ENDOG: variants seen among roughly 807,000 people sequenced by gnomAD.
ENDOG encodes endonuclease G, also known as endonuclease G, mitochondrial.
Under a neutral mutation model 22.6 loss-of-function variants are expected in ENDOG, and 22 were observed. The ratio of observed to expected loss-of-function variants is 0.97; its 90% confidence interval spans 0.70 to 1.39. The LOEUF (loss-of-function observed/expected upper bound fraction) is 1.39. ENDOG is among the 40% of genes most tolerant of loss of function. The probability of loss-of-function intolerance (pLI) is 0.00; values close to 1 mark genes in which losing one functional copy is unlikely to be tolerated. For missense variants in ENDOG, 403 were observed against 431.3 expected, an observed-to-expected ratio of 0.93 and a Z score of 0.58; for synonymous variants, 173 against 200.2, an observed-to-expected ratio of 0.86 and a Z score of 1.15.
In ENDOG at chr9:128,819,030, C is replaced by G; in HGVS notation, c.346C>G (p.Arg116Gly). The G allele has an allele frequency of 6.7e-7, 1 of 1,495,468 alleles. No homozygotes were observed. The allele number at this position is 1,495,468 out of a possible 1,614,324, so 92.6% of individuals were successfully genotyped here. ...GDGDRRECDF[R>G]EDDSVHAYHR... ...CGGCGACCGGCGCGAGTGCGACTTC[C>G]GCGAGGACGACTCGGTGCACGCGTA... is the stretch of plus-strand genomic sequence containing the variant. The change falls in exon 1 of 3, where the codon CGC (arginine) becomes GGC (glycine). Residue 116 changes from arginine to glycine, a missense_variant. Transcript: ENST00000372642.
Position 128,819,063 on chromosome 9 carries a change from GCCA to G in ENDOG, c.383_385del (p.Thr128del). ...CGACTCGGTGCACGCGTACCACCGT[GCCA>G]CCAACGCCGACTACCGCGGCAGTGG... On this transcript the variant is annotated inframe_deletion, in exon 1 of 3. Coordinates refer to ENST00000372642, the MANE Select transcript of ENDOG (RefSeq NM_004435.2). 1 of 1,516,886 alleles carries G rather than the reference GCCA, an allele frequency of 6.6e-7. No individual in the cohort carries two copies. Among genetic ancestry groups the G allele is most frequent in the Middle Eastern group, 1.8e-4 (1 of 5,462 alleles). The allele number at this position is 1,516,886 out of a possible 1,614,324, so 94.0% of individuals were successfully genotyped here.
intron 1 of ENDOG, 63 bp from the exon 2 acceptor site, chr9:128,820,676 G>A: frequency 2.8e-6 from 4 of 1,408,574 alleles, no homozygotes; most frequent in Non-Finnish European, 3.9e-6. Flanking sequence ...ACCTGGGGCG[G>A]CCCTCTGATA....
chr9:128,822,149 CA>C, intron 2 of ENDOG, 178 bp from the exon 3 acceptor site: 2 of 702,886 alleles, frequency 2.8e-6, no homozygotes, highest in South Asian at 3.8e-5. Context: ...AAGAGTTAAC[CA>C]CCCTGGAGAG....
chr9:128,821,997 C>G (rs573337429), intron 2 of ENDOG: 46 of 332,964 alleles, frequency 1.4e-4, no homozygotes, highest in South Asian at 1.3e-3. Flanking sequence ...CCACTTGTTG[C>G]TCACCTCTGT....
intron 2 of ENDOG, chr9:128,821,157 C>A: frequency 2.4e-6 from 1 of 411,496 alleles, no homozygotes; most frequent in Non-Finnish European, 4.5e-6. Context: ...ATATGGAACC[C>A]CCCGCAGGTC....
Position 128,818,645 on chromosome 9 carries a change from G to A in ENDOG, c.-40G>A, listed in dbSNP as rs142367136. The A allele has an allele frequency of 9.6e-6, 11 of 1,151,464 alleles. No individual in the cohort carries two copies. The African/African-American group carries it at 1.8e-4, about 19-fold the overall frequency. 71.3% of individuals were successfully genotyped at this position (1,151,464 alleles called of 1,614,324 possible). On this transcript the variant is annotated 5_prime_UTR_variant, in exon 1 of 3. Coordinates refer to ENST00000372642, the MANE Select transcript of ENDOG (RefSeq NM_004435.2). Reference sequence around the variant, plus strand: ...GGATCCCGCGACGCGGCTCCTTTAAGAGCCTCGCGGGTCGCCCGCCGCTAG... The same window carrying A: ...GGATCCCGCGACGCGGCTCCTTTAAAAGCCTCGCGGGTCGCCCGCCGCTAG...
At chr9:128,819,973 T>A (rs1416538797) in intron 1 of ENDOG, 1 of 152,276 alleles carries the variant, frequency 6.6e-6, no homozygotes, top group African/African-American at 2.4e-5. Flanking sequence ...AAGCTTCCCT[T>A]GCTCGCCTGC....
At position 128,818,888 on chromosome 9, in the gene ENDOG, G is replaced by A. The variant is rs1830049743; in HGVS notation, c.204G>A (p.Gly68=). 6.8e-7 allele frequency: 1 copy of A among 1,462,598 alleles called. No individual in the cohort carries two copies. The highest frequency in any genetic ancestry group is 3.0e-5 in the East Asian group (1 of 33,258). 90.6% of individuals were successfully genotyped at this position (1,462,598 alleles called of 1,614,324 possible). A position where few individuals can be genotyped will look rare whatever the true frequency, so the allele number is the denominator to read the frequency against. The change falls in exon 1 of 3, where the codon GGG becomes GGA. Residue 68 remains glycine, a synonymous_variant. Transcript: ENST00000372642. ...GCCCGGGCGAGCTGGCCAAGTACGG[G>A]CTGCCGGGGCTGGCGCAGCTCAAGA... is the stretch of plus-strand genomic sequence containing the variant. The part of the protein sequence containing the change: ...PRGPGELAKY[G]LPGLAQLKSR...
At position 128,819,067 on chromosome 9, in the gene ENDOG, C is replaced by G. The variant is rs1447555770; in HGVS notation, c.383C>G (p.Thr128Ser). Reference sequence around the variant, plus strand: ...TCGGTGCACGCGTACCACCGTGCCACCAACGCCGACTACCGCGGCAGTGGC... The same window carrying G: ...TCGGTGCACGCGTACCACCGTGCCAGCAACGCCGACTACCGCGGCAGTGGC... ...DDSVHAYHRA[T>S]NADYRGSGFD... Residue 128 changes from threonine to serine, a missense_variant, in exon 1 of 3, where the codon ACC (threonine) becomes AGC (serine). Transcript: ENST00000372642. 6.6e-7 allele frequency: 1 copy of G among 1,518,800 alleles called. No individual in the cohort carries two copies. Among genetic ancestry groups the G allele is most frequent in the East Asian group, 2.6e-5 (1 of 37,878 alleles). 94.1% of individuals were successfully genotyped at this position (1,518,800 alleles called of 1,614,324 possible). A position where few individuals can be genotyped will look rare whatever the true frequency, so the allele number is the denominator to read the frequency against.
chr9:128,819,119 C>T lies in ENDOG; in HGVS notation c.435C>T (p.Ala145=), dbSNP rs1235603097. ...SGFDRGHLAA[A]ANHRWSQKAM... ...TCGACCGCGGTCACCTGGCCGCCGC[C>T]GCCAACCACCGCTGGAGCCAGAAGG... The change falls in exon 1 of 3, where the codon GCC becomes GCT. Residue 145 remains alanine (A), a synonymous_variant. Coordinates refer to ENST00000372642, the MANE Select transcript of ENDOG (RefSeq NM_004435.2). The T allele has an allele frequency of 8.6e-6, 13 of 1,519,634 alleles. No homozygotes were observed. Among genetic ancestry groups the T allele is most frequent in the Non-Finnish European group, 1.1e-5 (12 of 1,137,042 alleles). The allele number at this position is 1,519,634 out of a possible 1,614,324, so 94.1% of individuals were successfully genotyped here.
rs774163120 is a variant in ENDOG at position 128,822,541 on chromosome 9, G to A, written c.825G>A (p.Gly275=). 6.3e-5 allele frequency: 99 copies of A among 1,559,892 alleles called. No individual in the cohort carries two copies. Among genetic ancestry groups the A allele is most frequent in the Non-Finnish European group, 2.4e-5 (28 of 1,151,572 alleles). ...VPIESIERAS[G]LLFVPNILAR... Reference sequence around the variant, plus strand: ...TCGAGAGCATTGAGCGGGCTTCGGGGCTGCTCTTTGTGCCAAACATCCTGG... The same window carrying A: ...TCGAGAGCATTGAGCGGGCTTCGGGACTGCTCTTTGTGCCAAACATCCTGG... The change falls in exon 3 of 3, where the codon GGG becomes GGA. Residue 275 remains glycine, a synonymous_variant. Coordinates refer to ENST00000372642, the MANE Select transcript of ENDOG (RefSeq NM_004435.2).
Position 128,820,787 on chromosome 9 carries a change from C to G in ENDOG, c.550C>G (p.Arg184Gly). The G allele has an allele frequency of 6.2e-7, 1 of 1,612,456 alleles. No homozygotes were observed. Among genetic ancestry groups the G allele is most frequent in the South Asian group, 1.1e-5 (1 of 90,670 alleles). The change falls in exon 2 of 3, where the codon CGC becomes GGC. Residue 184 changes from arginine to glycine, a missense_variant. Arg to Gly is a moderately radical substitution (Grantham distance 125). Coordinates refer to ENST00000372642, the MANE Select transcript of ENDOG (RefSeq NM_004435.2). ...NAWNNLEKYS[R>G]SLTRSYQNVY... ...CTGGAACAACCTGGAGAAATATAGC[C>G]GCAGCTTGACCCGCAGCTACCAAAA...
At position 128,818,500 on chromosome 9, in the gene ENDOG, A is replaced by T. The variant is rs1830039327; in HGVS notation, c.-185A>T. 1 of 568,346 alleles carries T rather than the reference A, an allele frequency of 1.8e-6. No homozygotes were observed. The highest frequency in any genetic ancestry group is 8.1e-5 in the South Asian group (1 of 12,404). The allele number at this position is 568,346 out of a possible 1,614,324, so 35.2% of individuals were successfully genotyped here. A position where few individuals can be genotyped will look rare whatever the true frequency, so the allele number is the denominator to read the frequency against. On this transcript the variant is annotated 5_prime_UTR_variant, in exon 1 of 3. Coordinates refer to ENST00000372642, the MANE Select transcript of ENDOG (RefSeq NM_004435.2). ...AATGCGCAAAGAAAGGACGCCGGGGACACCCGGTTGGGCTCTGCTGCTCCC... is the reference window on the plus strand; with the variant it reads ...AATGCGCAAAGAAAGGACGCCGGGGTCACCCGGTTGGGCTCTGCTGCTCCC...
At chr9:128,822,218 G>A (rs1830133518) in intron 2 of ENDOG, 110 bp from the exon 3 acceptor site, 1 of 1,338,088 alleles carries the variant, frequency 7.5e-7, no homozygotes, top group Admixed American at 2.1e-5. Flanking sequence ...TGAGGGCGTG[G>A]TCCTGCAGGT....
At chr9:128,822,131 C>T (rs1289985256) in intron 2 of ENDOG, 197 bp from the exon 3 acceptor site, 2 of 634,474 alleles carry the variant, frequency 3.2e-6, no homozygotes, top group Non-Finnish European at 5.4e-6. Context: ...ATAAGGAAAA[C>T]AGAGGGAAAG....
In ENDOG at chr9:128,818,596, C is replaced by A; in HGVS notation, c.-89C>A. 1 of 1,053,624 alleles carries A rather than the reference C, an allele frequency of 9.5e-7. No homozygotes were observed. Among genetic ancestry groups the A allele is most frequent in the Non-Finnish European group, 1.1e-6 (1 of 874,008 alleles). The allele number at this position is 1,053,624 out of a possible 1,614,324, so 65.3% of individuals were successfully genotyped here. A position where few individuals can be genotyped will look rare whatever the true frequency, so the allele number is the denominator to read the frequency against. On this transcript the variant is annotated 5_prime_UTR_variant, in exon 1 of 3. Coordinates refer to ENST00000372642, the MANE Select transcript of ENDOG (RefSeq NM_004435.2). ...AGGGAGGTCACGCTATCGTCCGCGG[C>A]CCCAGCAGCCCTGTGCCCTCGTTGG...
chr9:128,818,886 G>C lies in ENDOG; in HGVS notation c.202G>C (p.Gly68Arg). 6.8e-7 allele frequency: 1 copy of C among 1,460,880 alleles called. No homozygotes were observed. Among genetic ancestry groups the C allele is most frequent in the Non-Finnish European group, 9.0e-7 (1 of 1,114,256 alleles). The allele number at this position is 1,460,880 out of a possible 1,614,324, so 90.5% of individuals were successfully genotyped here. Reference protein sequence around the residue: ...PRGPGELAKYGLPGLAQLKSR... With the variant: ...PRGPGELAKYRLPGLAQLKSR... ...CGGCCCGGGCGAGCTGGCCAAGTAC[G>C]GGCTGCCGGGGCTGGCGCAGCTCAA... Residue 68 changes from glycine (G) to arginine (R), a missense_variant, in exon 1 of 3, where the codon GGG becomes CGG. Gly to Arg is a moderately radical substitution (Grantham distance 125). Transcript: ENST00000372642.
chr9:128,820,406 G>A (rs556782482), intron 1 of ENDOG: 1 of 265,798 alleles, frequency 3.8e-6, no homozygotes, highest in East Asian at 7.9e-5. Context: ...TTGGTAGTTG[G>A]AAGGGCTGGT....
At chr9:128,822,239 T>C in intron 2 of ENDOG, 89 bp from the exon 3 acceptor site, 1 of 1,497,922 alleles carries the variant, frequency 6.7e-7, no homozygotes, top group Non-Finnish European at 9.0e-7. Context: ...TGACAGAAGT[T>C]AGAGGACAGA....
Sources: gnomAD v4.1 joint callset for allele counts on GRCh38, gnomAD v4.1.1 for gene constraint, MANE v1.5 for transcripts, NCBI Gene and HGNC (gene_info 2026-07-23, HGNC 2026-07-21) for gene names.